The following ITIH1 variants were observed in gnomAD, a reference collection of about 807,000 sequenced individuals.
ITIH1 encodes inter-alpha-trypsin inhibitor heavy chain 1, also known as inter-alpha-trypsin inhibitor heavy chain H1.
In ITIH1, 94 loss-of-function variants were observed where a neutral mutation model predicts 104.6. The observed-to-expected ratio is 0.90, with a 90% CI of 0.76 to 1.07. The LOEUF is 1.07. ITIH1 is among the 50% of genes least tolerant of loss of function. ITIH1 has a pLI of 0.00. For missense variants in ITIH1, 1,193 were observed against 1,181.4 expected (o/e 1.01, Z -0.14); for synonymous variants, 455 against 464.4 (o/e 0.98, Z 0.26).
chr3:52,788,578 T>TTTTTTA, intron 18 of ITIH1, among the ~76,000 whole-genome samples: 1 of 151,202 alleles, frequency 6.6e-6, no homozygotes. Context: ...TTTTTTTTTC[T>TTTTTTA]GAGACAGAGT....
At position 52,783,067 on chromosome 3, in the gene ITIH1, A is replaced by C; in HGVS notation, c.1041A>C (p.Ala347=). The change falls in exon 9 of 22, where the codon GCA becomes GCC. Residue 347 remains alanine, a synonymous_variant. Coordinates refer to ENST00000273283, the MANE Select transcript of ITIH1 (RefSeq NM_002215.4). ...VQSWKGSLVQ[A]SEANLQAAQD... ...CGTGGAAGGGCTCGCTGGTGCAAGC[A>C]TCTGAGGCCAACCTACAAGCAGCTC... is the stretch of plus-strand genomic sequence containing the variant. The C allele has an allele frequency of 6.2e-7, 1 of 1,614,094 alleles. No homozygotes were observed.
chr3:52,789,694 A>G lies in ITIH1; in HGVS notation c.2161A>G (p.Ser721Gly), dbSNP rs1416473464. 1 of 1,614,182 alleles carries G rather than the reference A, an allele frequency of 6.2e-7. No individual in the cohort carries two copies. Among genetic ancestry groups the G allele is most frequent in the Admixed American group, 1.7e-5 (1 of 60,028 alleles). The change falls in exon 19 of 22, where the codon AGC (serine) becomes GGC (glycine). Residue 721 changes from serine to glycine, a missense_variant. By Grantham distance (56) the Ser-to-Gly change is moderately conservative. Transcript: ENST00000273283. Reference protein sequence around the residue: ...NGQLIGNKARSPGQHDGTYFG... With the variant: ...NGQLIGNKARGPGQHDGTYFG... ...ACAGCTCATTGGCAACAAGGCCAGG[A>G]GCCCTGGGCAGCATGACGGCACGTA...
Position 52,783,754 on chromosome 3 carries a change from T to A in ITIH1, c.1225+415T>A, listed in dbSNP as rs553605607. Among the ~76,000 whole-genome samples, 13 of 152,148 alleles carry A rather than the reference T, an allele frequency of 8.5e-5. No individual in the cohort carries two copies. The East Asian group carries it at 2.3e-3, about 27-fold the overall frequency. On this transcript the variant is annotated intron_variant, in intron 10 of 21. Coordinates refer to ENST00000273283, the MANE Select transcript of ITIH1 (RefSeq NM_002215.4). ...TGGGGGAAGCAGATCCAGGAGTAGA[T>A]ACTGAGGGCCCTGAAAGAACAGGGT...
rs1053138995 is a variant in ITIH1 at position 52,780,520 on chromosome 3, C to T, written c.687+138C>T. 1.1e-3 allele frequency: 676 copies of T among 626,330 alleles called. 5 individuals carry two copies. Among genetic ancestry groups the T allele is most frequent in the Non-Finnish European group, 1.6e-4 (56 of 350,976 alleles). The allele number at this position is 626,330 out of a possible 1,614,324, so 38.8% of individuals were successfully genotyped here. On this transcript the variant is annotated intron_variant, in intron 6 of 21. Coordinates refer to ENST00000273283, the MANE Select transcript of ITIH1 (RefSeq NM_002215.4). ...CCCTCAGGATGAGAGAAGCTGGTGT[C>T]ATGTGATTGGTGCCTAGGAGAACTC...
chr3:52,786,233 A>G, intron 12 of ITIH1, 62 bp from the exon 13 acceptor site: 1 of 1,516,776 alleles, frequency 6.6e-7, no homozygotes, highest in Non-Finnish European at 8.9e-7. Context: ...CAGAGCCCCT[A>G]GCACCAGCCA....
Position 52,778,361 on chromosome 3 carries a change from C to T in ITIH1, c.160C>T (p.Arg54Trp), listed in dbSNP as rs369758909. The change falls in exon 3 of 22, where the codon CGG (arginine) becomes TGG (tryptophan). Residue 54 changes from arginine (R) to tryptophan (W), a missense_variant. By Grantham distance (101) the Arg-to-Trp change is moderately radical. Coordinates refer to ENST00000273283, the MANE Select transcript of ITIH1 (RefSeq NM_002215.4). ...VDTAVDGVFI[R>W]SLKVNCKVTS... ...TTAGGCTGTCGATGGCGTGTTCATC[C>T]GGAGTTTGAAAGTCAACTGCAAAGT... 71 of 1,614,066 alleles carry T rather than the reference C, an allele frequency of 4.4e-5. No homozygotes were observed. Among genetic ancestry groups the T allele is most frequent in the South Asian group, 1.5e-4 (14 of 91,086 alleles).
intron 6 of ITIH1, 92 bp from the exon 7 acceptor site, chr3:52,781,848 C>A: frequency 4.6e-6 from 7 of 1,518,272 alleles, no homozygotes; most frequent in Non-Finnish European, 6.3e-6. Context: ...AACACACACA[C>A]ACACACACGC....
At position 52,791,616 on chromosome 3, in the gene ITIH1, T is replaced by C. The variant is rs1453376596; in HGVS notation, c.2594T>C (p.Leu865Pro). Residue 865 changes from leucine (L) to proline (P), a missense_variant, in exon 21 of 22, where the codon CTC becomes CCC. Leu to Pro is a moderately conservative substitution (Grantham distance 98, BLOSUM62 -3). Transcript: ENST00000273283. ...DATMVVRNRR[L>P]TVTRGLQKDY... ...ACGATGGTGGTGAGGAACCGCCGGC[T>C]CACGGTCACCAGGTGGGTGGGCTGC... is the stretch of plus-strand genomic sequence containing the variant. 6.2e-7 allele frequency: 1 copy of C among 1,613,738 alleles called. No individual in the cohort carries two copies. Among genetic ancestry groups the C allele is most frequent in the African/African-American group, 1.3e-5 (1 of 74,940 alleles).
chr3:52,779,586 C>T lies in ITIH1; in HGVS notation c.565C>T (p.His189Tyr), dbSNP rs1466654798. The T allele has an allele frequency of 6.2e-7, 1 of 1,614,136 alleles. No homozygotes were observed. Among genetic ancestry groups the T allele is most frequent in the South Asian group, 1.1e-5 (1 of 91,076 alleles). The change falls in exon 5 of 22, where the codon CAT (histidine) becomes TAT (tyrosine). Residue 189 changes from histidine to tyrosine, a missense_variant. By Grantham distance (83) the His-to-Tyr change is moderately conservative (BLOSUM62 2). Transcript: ENST00000273283. This position sits in a 1 kb window ranked among gnomAD's most constrained non-coding sequence, Gnocchi z 4.4. ...IKVKPKQLVHHFEIDVDIFEP... is the reference protein window; with the variant it reads ...IKVKPKQLVHYFEIDVDIFEP... ...AGTCAAGCCCAAGCAGCTGGTGCATCATTTTGAGGTAGATCACAGGTCCCG... is the reference window on the plus strand; with the variant it reads ...AGTCAAGCCCAAGCAGCTGGTGCATTATTTTGAGGTAGATCACAGGTCCCG...
chr3:52,778,193 C>A, intron 2 of ITIH1, 147 bp from the exon 3 acceptor site: 2 of 1,097,882 alleles, frequency 1.8e-6, no homozygotes, highest in Non-Finnish European at 2.8e-6. Context: ...ACGGTCTCAG[C>A]CAGAGAGCAG....
intron 19 of ITIH1, 89 bp downstream of exon 19, chr3:52,789,943 C>A: frequency 7.5e-7 from 1 of 1,340,776 alleles, no homozygotes; most frequent in Non-Finnish European, 1.1e-6. Context: ...CGTCCCTGAG[C>A]CATGTCTGTG....
Position 52,790,738 on chromosome 3 carries a change from T to A in ITIH1, c.2322-11T>A. 1 of 1,609,516 alleles carries A rather than the reference T, an allele frequency of 6.2e-7. No homozygotes were observed. The highest frequency in any genetic ancestry group is 8.5e-7 in the Non-Finnish European group (1 of 1,178,412). Reference sequence around the variant, plus strand: ...AGCCGCACCTGCCCTCTCGGCCACCTGGCTCTGCAGGGTGGTGGTGACCAT... The same window carrying A: ...AGCCGCACCTGCCCTCTCGGCCACCAGGCTCTGCAGGGTGGTGGTGACCAT... On this transcript the variant is annotated splice_polypyrimidine_tract_variant and intron_variant, in intron 19 of 21. Transcript: ENST00000273283.
At chr3:52,789,588 TG>T in intron 18 of ITIH1, 64 bp from the exon 19 acceptor site, 1 of 1,443,728 alleles carries the variant, frequency 6.9e-7, no homozygotes, top group Admixed American at 1.7e-5. Context: ...GAAGGAGGCA[TG>T]ATCCTGCTAA....
Position 52,778,971 on chromosome 3 carries a change from A to T in ITIH1, c.335A>T (p.Asp112Val). 2 of 1,613,876 alleles carry T rather than the reference A, an allele frequency of 1.2e-6. No individual in the cohort carries two copies. Among genetic ancestry groups the T allele is most frequent in the Non-Finnish European group, 1.7e-6 (2 of 1,179,726 alleles). Residue 112 changes from aspartate to valine, a missense_variant, in exon 4 of 22, where the codon GAC becomes GTC. Transcript: ENST00000273283. ...VTADGNAFIG[D>V]IKDKVTAWKQ... ...GCAGATGGAAACGCATTTATCGGAG[A>T]CATAAAGGACAAGGTGACTGCATGG... is the stretch of plus-strand genomic sequence containing the variant.
At chr3:52,790,645 G>C in intron 19 of ITIH1, 104 bp from the exon 20 acceptor site, 1 of 1,142,824 alleles carries the variant, frequency 8.8e-7, no homozygotes, top group Non-Finnish European at 1.3e-6. Context: ...AGGCCATGGG[G>C]TGGGGGCGTG....
At chr3:52,790,049 C>A (rs1699311880) in intron 19 of ITIH1, 195 bp downstream of exon 19, 3 of 610,696 alleles carry the variant, frequency 4.9e-6, no homozygotes, top group Non-Finnish European at 8.7e-6. Context: ...CTGGGCCCAG[C>A]TGCATGGCAA....
intron 8 of ITIH1, among the ~76,000 whole-genome samples, chr3:52,782,581 T>A (rs1699092445): frequency 9.4e-6 from 1 of 106,276 alleles, no homozygotes; most frequent in Non-Finnish European, 2.0e-5. Flanking sequence ...ATTACGGTGG[T>A]CCGTGGGGAG....
chr3:52,787,027 C>T lies in ITIH1; in HGVS notation c.1816C>T (p.Leu606=). ...GCTGGACTATGGGTTTGTGACCCCA[C>T]TGACCTCCATGAGCATCAGGGGCAT... ...MSLDYGFVTP[L]TSMSIRGMAD... Residue 606 remains leucine (L), a synonymous_variant, in exon 14 of 22, where the codon CTG becomes TTG. Transcript: ENST00000273283. The T allele has an allele frequency of 6.2e-7, 1 of 1,614,182 alleles. No individual in the cohort carries two copies. Among genetic ancestry groups the T allele is most frequent in the South Asian group, 1.1e-5 (1 of 91,080 alleles).
chr3:52,783,376 C>T, intron 10 of ITIH1, 37 bp downstream of exon 10: 2 of 1,604,128 alleles, frequency 1.2e-6, no homozygotes, highest in South Asian at 1.1e-5. Context: ...AGGTAGTGAT[C>T]TCCTTGTCAC....
Sources: gnomAD v4.1 joint callset for allele counts (sites outside exome capture counted in the v4.1 genomes callset) on GRCh38, gnomAD v4.1.1 for gene constraint, Gnocchi (gnomAD v3.1) non-coding constraint, MANE v1.5 for transcripts, NCBI Gene and HGNC (gene_info 2026-07-23, HGNC 2026-07-21) for gene names.